The following MCUB variants were observed in gnomAD, a reference collection of about 807,000 sequenced individuals.
The protein encoded by MCUB is calcium uniporter regulatory subunit MCUb, mitochondrial.
Under a neutral mutation model 41.4 loss-of-function variants are expected in MCUB, and 46 were observed. The ratio of observed to expected loss-of-function variants is 1.11; its 90% CI spans 0.88 to 1.42. The LOEUF (loss-of-function observed/expected upper bound fraction) is 1.42, where lower values mean the gene tolerates loss of function less well. MCUB is among the 40% of genes most tolerant of loss of function. The pLI, the probability that MCUB is intolerant of heterozygous loss-of-function variation, is 0.00. For missense variants in MCUB, 403 were observed against 404.9 expected (o/e 1.00, Z 0.04); for synonymous variants, 148 against 148.2 (o/e 1.00, Z 0.01).
In MCUB at chr4:109,678,097, T is replaced by G. The variant is rs557405528; in HGVS notation, c.452-4485T>G. ...GCCCTTAATCCATTTAACCCTGAGT[T>G]GACACAGCACATGTTTCAGAGAGCA... On this transcript the variant is annotated intron_variant, in intron 4 of 7. Coordinates refer to ENST00000394650, the MANE Select transcript of MCUB (RefSeq NM_017918.5). Among the ~76,000 whole-genome samples the G allele has an allele frequency of 5.2e-3, 797 of 152,080 alleles. 3 individuals are homozygous for G. The highest frequency in any genetic ancestry group is 0.018 in the African/African-American group (740 of 41,464).
intron 1 of MCUB, among the ~76,000 whole-genome samples, chr4:109,630,717 G>T (rs1368422387): frequency 1.3e-5 from 2 of 151,914 alleles, no homozygotes; most frequent in Non-Finnish European, 1.5e-5. Context: ...GAGTAGCTGG[G>T]ATTACAGGCA....
In MCUB at chr4:109,599,857, A is replaced by T. The variant is rs182746663; in HGVS notation, c.99+39421A>T. On this transcript the variant is annotated intron_variant, in intron 1 of 7. Coordinates refer to ENST00000394650, the MANE Select transcript of MCUB (RefSeq NM_017918.5). ...CTAATTTTCTGTATTTTTAGTAGAG[A>T]TAGGGTTTCACCATGTTGGTCAGGC... Among the ~76,000 whole-genome samples the T allele has an allele frequency of 1.7e-3, 260 of 152,166 alleles. 1 individual carries two copies. Among genetic ancestry groups the T allele is most frequent in the African/African-American group, 5.7e-3 (235 of 41,518 alleles).
At chr4:109,566,089 C>T (rs917976429) in intron 1 of MCUB, among the ~76,000 whole-genome samples, 5 of 151,616 alleles carry the variant, frequency 3.3e-5, no homozygotes, top group African/African-American at 1.2e-4. Flanking sequence ...CCTGTGGGCT[C>T]AAGTGATCCT....
At chr4:109,619,005 T>A (rs1162043220) in intron 1 of MCUB, among the ~76,000 whole-genome samples, 1 of 141,032 alleles carries the variant, frequency 7.1e-6, no homozygotes, top group Non-Finnish European at 1.5e-5. Flanking sequence ...CCAACCTACC[T>A]ACCTACCTAC....
At chr4:109,621,786 TA>T (rs1308145907) in intron 1 of MCUB, among the ~76,000 whole-genome samples, 1 of 152,222 alleles carries the variant, frequency 6.6e-6, no homozygotes, top group African/African-American at 2.4e-5. Context: ...TACCAAGGAA[TA>T]ATTAAATCAC....
At chr4:109,603,220 C>T (rs554363365) in intron 1 of MCUB, among the ~76,000 whole-genome samples, 10 of 152,318 alleles carry the variant, frequency 6.6e-5, no homozygotes, top group African/African-American at 2.2e-4. Context: ...CTCAGCCTGC[C>T]GAGTGCCTGG....
At chr4:109,680,288 A>C (rs539242903) in intron 4 of MCUB, among the ~76,000 whole-genome samples, 1 of 152,326 alleles carries the variant, frequency 6.6e-6, no homozygotes, top group African/African-American at 2.4e-5. Flanking sequence ...ACCAGTTAAC[A>C]AACCCAGATG....
At chr4:109,617,207 T>C (rs1728145980) in intron 1 of MCUB, among the ~76,000 whole-genome samples, 2 of 152,258 alleles carry the variant, frequency 1.3e-5, no homozygotes, top group South Asian at 2.1e-4. Flanking sequence ...TTGGCTGTTA[T>C]AGGATCATTC....
Position 109,682,753 on chromosome 4 carries a change from A to C in MCUB, c.612+11A>C, listed in dbSNP as rs1031230846. ...CAGCCCCTTGAACAGGTTAGGAAGC[A>C]TCACGGTTGAGTATATTTGAAAATA... On this transcript the variant is annotated intron_variant, in intron 5 of 7. Coordinates refer to ENST00000394650, the MANE Select transcript of MCUB (RefSeq NM_017918.5). The C allele has an allele frequency of 1.2e-6, 2 of 1,600,950 alleles. No individual in the cohort carries two copies. Among genetic ancestry groups the C allele is most frequent in the Non-Finnish European group, 1.7e-6 (2 of 1,174,070 alleles).
intron 1 of MCUB, among the ~76,000 whole-genome samples, chr4:109,634,218 C>T (rs757514769): frequency 1.4e-4 from 21 of 151,960 alleles, no homozygotes; most frequent in Non-Finnish European, 2.5e-4. Flanking sequence ...CACGGTGGCT[C>T]ATGCCTGTAA....
intron 1 of MCUB, among the ~76,000 whole-genome samples, chr4:109,599,243 C>T (rs915358863): frequency 6.6e-6 from 1 of 152,252 alleles, no homozygotes; most frequent in African/African-American, 2.4e-5. Context: ...TCAGGTGAAA[C>T]TTGTTTTGCA....
intron 1 of MCUB, among the ~76,000 whole-genome samples, chr4:109,649,661 T>C (rs571278230): frequency 1.2e-4 from 18 of 152,288 alleles, no homozygotes; most frequent in African/African-American, 4.3e-4. Flanking sequence ...AAGAATTTTT[T>C]GTTTCTGGGG....
intron 1 of MCUB, among the ~76,000 whole-genome samples, chr4:109,648,272 G>A (rs1473192932): frequency 3.3e-5 from 5 of 152,130 alleles, no homozygotes; most frequent in African/African-American, 1.2e-4. Context: ...TAATTTCAGT[G>A]GTCCTGTTGA....
At chr4:109,644,988 A>G (rs1728801892) in intron 1 of MCUB, among the ~76,000 whole-genome samples, 1 of 152,182 alleles carries the variant, frequency 6.6e-6, no homozygotes, top group African/African-American at 2.4e-5. Flanking sequence ...AAACAATAAC[A>G]CACACTTCGG....
intron 1 of MCUB, among the ~76,000 whole-genome samples, chr4:109,646,687 C>A (rs759450733): frequency 6.6e-6 from 1 of 152,136 alleles, no homozygotes; most frequent in African/African-American, 2.4e-5. Context: ...TCTCACTCCC[C>A]GCTCCTCTCA....
chr4:109,639,732 T>C (rs139454826), intron 1 of MCUB, among the ~76,000 whole-genome samples: 164 of 152,254 alleles, frequency 1.1e-3, no homozygotes, highest in African/African-American at 3.8e-3. Flanking sequence ...TAAACAGATA[T>C]GCTGTCATCT....
intron 1 of MCUB, among the ~76,000 whole-genome samples, chr4:109,594,897 A>AG (rs1161861505): frequency 6.6e-6 from 1 of 152,004 alleles, no homozygotes; most frequent in African/African-American, 2.4e-5. Flanking sequence ...AAGACTCACC[A>AG]GGGAAGAACA....
At position 109,688,497 on chromosome 4, in the gene MCUB, A is replaced by T. The variant is rs1729908516; in HGVS notation, c.*905A>T. 2 of 152,210 alleles carry T rather than the reference A, an allele frequency of 1.3e-5. No individual in the cohort carries two copies. The highest frequency in any genetic ancestry group is 4.1e-4 in the South Asian group (2 of 4,834). 9.4% of individuals were successfully genotyped at this position (152,210 alleles called of 1,614,324 possible). ...GAATGCTGATTTTTTTTAAAGTAGG[A>T]ATTAAAGTCATACACAAAATGTGGT... is the stretch of plus-strand genomic sequence containing the variant. On this transcript the variant is annotated 3_prime_UTR_variant, in exon 8 of 8. Transcript: ENST00000394650.
intron 1 of MCUB, among the ~76,000 whole-genome samples, chr4:109,568,240 C>A (rs1400645554): frequency 1.3e-5 from 2 of 152,180 alleles, no homozygotes; most frequent in Non-Finnish European, 2.9e-5. Context: ...CCGGTTTTCA[C>A]TTTTCAAGAG....
Sources: gnomAD v4.1 joint callset for allele counts (sites outside exome capture counted in the v4.1 genomes callset) on GRCh38, gnomAD v4.1.1 for gene constraint, MANE v1.5 for transcripts, NCBI Gene and HGNC (gene_info 2026-07-23, HGNC 2026-07-21) for gene names.